MARCHF6: variants seen among roughly 807,000 people sequenced by gnomAD.
MARCHF6 encodes E3 ubiquitin-protein ligase MARCHF6.
In MARCHF6, 31 loss-of-function variants were observed where a neutral mutation model predicts 133.7. The observed-to-expected ratio is 0.23, with a 90% CI of 0.17 to 0.31. The LOEUF (loss-of-function observed/expected upper bound fraction) is 0.31. Among genes scored for constraint, MARCHF6 ranks in the 10% least tolerant of loss-of-function variants. MARCHF6 has a pLI of 1.00. For synonymous variants in MARCHF6, 395 were observed against 402.5 expected (o/e 0.98, Z 0.22); for missense variants, 723 against 1,121.6 (o/e 0.64, Z 5.08).
At chr5:10,371,936 T>C (rs1401565839) in intron 1 of MARCHF6, among the ~76,000 whole-genome samples, 2 of 151,994 alleles carry the variant, frequency 1.3e-5, no homozygotes, top group South Asian at 2.1e-4. Flanking sequence ...AGTTTGAGAC[T>C]AGCCCGGGCA....
chr5:10,407,116 C>A lies in MARCHF6; in HGVS notation c.1467C>A (p.Ser489=). Residue 489 remains serine, a synonymous_variant, in exon 17 of 26, where the codon TCC becomes TCA. Transcript: ENST00000274140. ...TCCTTCTGCAGATTGTCTTTGGCTC[C>A]ATTGTCCTCCTGATGCTTTGGCTTC... The part of the protein sequence containing the change: ...RFILSVIVFG[S]IVLLMLWLPI... The A allele has an allele frequency of 6.2e-7, 1 of 1,610,104 alleles. No homozygotes were observed. Among genetic ancestry groups the A allele is most frequent in the South Asian group, 1.1e-5 (1 of 90,872 alleles).
Position 10,378,848 on chromosome 5 carries a change from AT to A in MARCHF6, c.190+20del. On this transcript the variant is annotated intron_variant, in intron 3 of 25. Coordinates refer to ENST00000274140, the MANE Select transcript of MARCHF6 (RefSeq NM_005885.4). ...TTTACACCAAGTAAGTTCTTTAGACATTTTCACTGCATTTTTTTTGGTTATC... is the reference window on the plus strand; with the variant it reads ...TTTACACCAAGTAAGTTCTTTAGACATTTCACTGCATTTTTTTTGGTTATC... 2.5e-6 allele frequency: 4 copies of A among 1,569,194 alleles called. No individual in the cohort carries two copies. Among genetic ancestry groups the A allele is most frequent in the Non-Finnish European group, 3.5e-6 (4 of 1,142,532 alleles).
At chr5:10,366,040 C>A (rs1160928765) in intron 1 of MARCHF6, among the ~76,000 whole-genome samples, 6 of 152,080 alleles carry the variant, frequency 3.9e-5, no homozygotes, top group Non-Finnish European at 7.4e-5. Context: ...TGAAATGATT[C>A]TTGTACCTCA....
intron 24 of MARCHF6, among the ~76,000 whole-genome samples, chr5:10,428,331 GTTTTTTTTTTTTTTT>G (rs10604024): frequency 1.3e-5 from 1 of 75,784 alleles, no homozygotes; most frequent in Non-Finnish European, 2.3e-5. Flanking sequence ...TTGCTTTTTA[GTTTTTTTTTTTTTTT>G]TTTTTTTTTT....
intron 3 of MARCHF6, among the ~76,000 whole-genome samples, chr5:10,379,483 T>C (rs1168468698): frequency 1.3e-5 from 2 of 151,026 alleles, no homozygotes; most frequent in African/African-American, 2.4e-5. Context: ...TGAGACAGAA[T>C]CTCGCTCTGT....
At chr5:10,377,495 T>C (rs534329854) in intron 1 of MARCHF6, among the ~76,000 whole-genome samples, 1 of 152,366 alleles carries the variant, frequency 6.6e-6, no homozygotes, top group East Asian at 1.9e-4. Flanking sequence ...ATTTTTATTA[T>C]TTGTTGTGGA....
chr5:10,431,234 G>C (rs905127688), intron 25 of MARCHF6, among the ~76,000 whole-genome samples: 4 of 152,178 alleles, frequency 2.6e-5, no homozygotes, highest in African/African-American at 9.7e-5. Flanking sequence ...ACTGAAAGAA[G>C]GGGAAGGGGT....
intron 16 of MARCHF6, among the ~76,000 whole-genome samples, chr5:10,405,914 A>G (rs539824381): frequency 2.6e-5 from 4 of 152,194 alleles, no homozygotes; most frequent in African/African-American, 9.7e-5. Flanking sequence ...TAGTAGTATA[A>G]TTCAGGGGTC....
rs1056093600 is a variant in MARCHF6, at chr5:10,356,675, C to T, written c.19+2758C>T. ...CCTCCCAAAATGCTGGGATTACGAG[C>T]GTGAGCTACCGTTCCTGGCCGGTTC... On this transcript the variant is annotated intron_variant, in intron 1 of 25. Transcript: ENST00000274140. Among the ~76,000 whole-genome samples, 5 of 152,112 alleles carry T rather than the reference C, an allele frequency of 3.3e-5. No homozygotes were observed. In the East Asian group the frequency reaches 5.8e-4, roughly 18 times the overall value.
chr5:10,421,663 TC>T (rs1739831356), intron 22 of MARCHF6, among the ~76,000 whole-genome samples: 1 of 152,162 alleles, frequency 6.6e-6, no homozygotes, highest in Admixed American at 6.5e-5. Context: ...ATCTTGGACC[TC>T]CTTGGGTAAA....
chr5:10,410,884 C>G (rs1282045430), intron 18 of MARCHF6, among the ~76,000 whole-genome samples: 1 of 152,124 alleles, frequency 6.6e-6, no homozygotes, highest in African/African-American at 2.4e-5. Flanking sequence ...AAATTTATAG[C>G]TTGTAGCTAC....
Position 10,411,496 on chromosome 5 carries a change from G to C in MARCHF6, c.1855G>C (p.Gly619Arg). 1 of 1,614,240 alleles carries C rather than the reference G, an allele frequency of 6.2e-7. No individual in the cohort carries two copies. Among genetic ancestry groups the C allele is most frequent in the Non-Finnish European group, 8.5e-7 (1 of 1,180,036 alleles). Residue 619 changes from glycine to arginine, a missense_variant, in exon 19 of 26, where the codon GGC becomes CGC. This residue lies in a region of MARCHF6 where 492 missense variants were observed against 699.5 expected (regional missense o/e 0.70). Coordinates refer to ENST00000274140, the MANE Select transcript of MARCHF6 (RefSeq NM_005885.4). ...CATACTCCAGCAGGGAGGGCCTGTTGGCTTTCAGCCTTACCGCCGACCTTT... is the reference window on the plus strand; with the variant it reads ...CATACTCCAGCAGGGAGGGCCTGTTCGCTTTCAGCCTTACCGCCGACCTTT... ...QAILQQGGPV[G>R]FQPYRRPLNF...
intron 24 of MARCHF6, 53 bp downstream of exon 24, chr5:10,426,575 C>G: frequency 6.3e-7 from 1 of 1,589,480 alleles, no homozygotes; most frequent in Non-Finnish European, 8.6e-7. Flanking sequence ...TAACATTGGA[C>G]ATTCTCTTTA....
chr5:10,429,928 C>T lies in MARCHF6; in HGVS notation c.2542C>T (p.Arg848Trp). 1 of 1,613,306 alleles carries T rather than the reference C, an allele frequency of 6.2e-7. No homozygotes were observed. The highest frequency in any genetic ancestry group is 8.5e-7 in the Non-Finnish European group (1 of 1,179,348). The change falls in exon 25 of 26, where the codon CGG becomes TGG. Residue 848 changes from arginine (R) to tryptophan (W), a missense_variant. Arg to Trp is a moderately radical substitution (Grantham distance 101). Coordinates refer to ENST00000274140, the MANE Select transcript of MARCHF6 (RefSeq NM_005885.4). ...TAEMQNLVHR[R>W]IYPFLLMVVV... ...GGAAATGCAAAACTTAGTCCATCGG[C>T]GGATTTATCCATTTTTACTGATGGT...
At chr5:10,418,883 T>C (rs1739681100) in intron 22 of MARCHF6, among the ~76,000 whole-genome samples, 1 of 152,160 alleles carries the variant, frequency 6.6e-6, no homozygotes, top group Non-Finnish European at 1.5e-5. Flanking sequence ...AACTGTGGCA[T>C]TGTGTAGGAG....
At chr5:10,433,209 G>A (rs545273023) in intron 25 of MARCHF6, among the ~76,000 whole-genome samples, 2 of 152,270 alleles carry the variant, frequency 1.3e-5, no homozygotes, top group South Asian at 2.1e-4. Context: ...CTTTCTGATG[G>A]TCATGTTTTT....
chr5:10,366,395 T>G (rs1374713955), intron 1 of MARCHF6, among the ~76,000 whole-genome samples: 3 of 152,216 alleles, frequency 2.0e-5, no homozygotes, highest in Non-Finnish European at 4.4e-5. Flanking sequence ...TTGTAAAAAT[T>G]TTATTGATAA....
At chr5:10,386,702 A>T (rs1737502215) in intron 4 of MARCHF6, among the ~76,000 whole-genome samples, 1 of 152,208 alleles carries the variant, frequency 6.6e-6, no homozygotes, top group Admixed American at 6.5e-5. Flanking sequence ...GGAGATCTTT[A>T]CTTTAGATTT....
intron 1 of MARCHF6, among the ~76,000 whole-genome samples, chr5:10,361,275 C>A (rs929744240): frequency 1.6e-4 from 25 of 152,112 alleles, no homozygotes; most frequent in African/African-American, 5.6e-4. Flanking sequence ...ATAAGTAGTT[C>A]AGTTTTAGAT....
Sources: gnomAD v4.1 joint callset for allele counts (sites outside exome capture counted in the v4.1 genomes callset) on GRCh38, gnomAD v4.1.1 for gene constraint, gnomAD v4.1.1 regional missense constraint, MANE v1.5 for transcripts, NCBI Gene and HGNC (gene_info 2026-07-23, HGNC 2026-07-21) for gene names.